The following CSGALNACT1 variants were observed in gnomAD, a reference collection of about 807,000 sequenced individuals.
CSGALNACT1 encodes the protein chondroitin sulfate N-acetylgalactosaminyltransferase 1, also known as beta4GalNAcT-1.
A neutral mutation model predicts 51.0 loss-of-function variants in CSGALNACT1; 52 were observed. The ratio of observed to expected loss-of-function variants is 1.02; its 90% CI spans 0.82 to 1.29. CSGALNACT1 has a LOEUF of 1.29. CSGALNACT1 is among the 50% of genes most tolerant of loss of function. CSGALNACT1 has a pLI of 0.00. For missense variants in CSGALNACT1, 935 were observed against 679.2 expected, an observed-to-expected ratio of 1.38 and a Z score of -4.19; for synonymous variants, 341 against 254.4, an observed-to-expected ratio of 1.34 and a Z score of -3.24.
At chr8:19,524,406 T>G (rs17480050) in intron 3 of CSGALNACT1, among the ~76,000 whole-genome samples, 22,098 of 152,176 alleles carry the variant, frequency 0.15, 1,773 homozygotes, top group Non-Finnish European at 0.18. Flanking sequence ...AACTCAAAAC[T>G]CACCATTTAA....
At chr8:19,591,539 T>C (rs533939512) in intron 2 of CSGALNACT1, among the ~76,000 whole-genome samples, 8 of 152,324 alleles carry the variant, frequency 5.3e-5, no homozygotes, top group African/African-American at 1.2e-4. Flanking sequence ...GGTAGGAACT[T>C]TGGCTACAAG....
chr8:19,714,084 AAAG>A (rs1182653107), intron 1 of CSGALNACT1, among the ~76,000 whole-genome samples: 4 of 152,172 alleles, frequency 2.6e-5, no homozygotes, highest in Non-Finnish European at 4.4e-5. Flanking sequence ...TTGTCTTTTA[AAAG>A]AAGGAGCTGT....
intron 1 of CSGALNACT1, among the ~76,000 whole-genome samples, chr8:19,725,272 A>AG (rs1425784462): frequency 6.6e-6 from 1 of 152,210 alleles, no homozygotes; most frequent in East Asian, 1.9e-4. Flanking sequence ...GAGTTTTGGA[A>AG]GGCATAGCTA....
rs1249276075 is a variant in CSGALNACT1, at chr8:19,644,684, T to G, written c.-544+37789A>C. ...GAGATGGTGCTACTGCACTCCAGCC[T>G]GGGTAACAGAGCGAGACTCCGTCTC... On this transcript the variant is annotated intron_variant, in intron 1 of 9. Coordinates refer to the CSGALNACT1 transcript ENST00000332246. 3.4e-5 allele frequency among the ~76,000 whole-genome samples: 4 copies of G among 115,998 alleles called. No individual in the cohort carries two copies. The South Asian group carries it at 1.1e-3, about 31-fold the overall frequency. The allele number at this position is 115,998 out of a possible 152,430, so 76.1% of individuals were successfully genotyped here. A position where few individuals can be genotyped will look rare whatever the true frequency, so the allele number is the denominator to read the frequency against.
At position 19,568,706 on chromosome 8, in the gene CSGALNACT1, T is replaced by A. The variant is rs1015982325; in HGVS notation, c.-297+22454A>T. On this transcript the variant is annotated intron_variant, in intron 3 of 9. Transcript: ENST00000454498. ...TTCTATTCAGTCAATACATCCAGAATGAAATGGTCCAAACCAACAGATATA... is the reference window on the plus strand; with the variant it reads ...TTCTATTCAGTCAATACATCCAGAAAGAAATGGTCCAAACCAACAGATATA... 1.2e-4 allele frequency among the ~76,000 whole-genome samples: 18 copies of A among 152,212 alleles called. 1 individual carries two copies. The highest frequency in any genetic ancestry group is 2.5e-4 in the Non-Finnish European group (17 of 68,032).
At chr8:19,439,072 G>A (rs2060869102) in intron 6 of CSGALNACT1, among the ~76,000 whole-genome samples, 1 of 152,130 alleles carries the variant, frequency 6.6e-6, no homozygotes. Flanking sequence ...TTGCCCCCCT[G>A]CAAACCTCCA....
intron 3 of CSGALNACT1, among the ~76,000 whole-genome samples, chr8:19,510,019 C>G (rs1303052104): frequency 6.6e-6 from 1 of 152,116 alleles, no homozygotes; most frequent in East Asian, 1.9e-4. Context: ...TTTAGGACCC[C>G]TGGAAGAAGG....
At chr8:19,663,020 T>C (rs59689479) in intron 1 of CSGALNACT1, among the ~76,000 whole-genome samples, 1 of 152,128 alleles carries the variant, frequency 6.6e-6, no homozygotes, top group Non-Finnish European at 1.5e-5. Flanking sequence ...GTGCTACAAA[T>C]GCCTGGAAGG....
rs112612815 is a variant in CSGALNACT1 at position 19,687,605 on chromosome 8, T to C, written c.-297+70245A>G. 1.5e-4 allele frequency among the ~76,000 whole-genome samples: 23 copies of C among 152,344 alleles called. 2 individuals carry two copies. The highest frequency in any genetic ancestry group is 5.5e-4 in the African/African-American group (23 of 41,580). On this transcript the variant is annotated intron_variant, in intron 1 of 1. Coordinates refer to the CSGALNACT1 transcript ENST00000517494. ...ATGCCTTGGTCCATTACCACACTAATATAATTCCTGAAATATCAACCATTT... is the reference window on the plus strand; with the variant it reads ...ATGCCTTGGTCCATTACCACACTAACATAATTCCTGAAATATCAACCATTT...
intron 4 of CSGALNACT1, among the ~76,000 whole-genome samples, chr8:19,502,015 G>T (rs1268614582): frequency 6.6e-6 from 1 of 152,228 alleles, no homozygotes. Context: ...GTGTTTTGAG[G>T]ATAGATAATA....
At chr8:19,617,559 A>T (rs1026356174) in intron 1 of CSGALNACT1, among the ~76,000 whole-genome samples, 5 of 152,196 alleles carry the variant, frequency 3.3e-5, no homozygotes, top group African/African-American at 9.7e-5. Flanking sequence ...CAGTTCAATT[A>T]CCCATTTTGT....
chr8:19,441,790 G>A (rs1462775032), intron 5 of CSGALNACT1, among the ~76,000 whole-genome samples: 9 of 151,800 alleles, frequency 5.9e-5, no homozygotes, highest in African/African-American at 1.4e-4. Context: ...GCAACCTACA[G>A]AATGGGAGAA....
chr8:19,484,599 T>C (rs988076476), intron 4 of CSGALNACT1, among the ~76,000 whole-genome samples: 2 of 152,148 alleles, frequency 1.3e-5, no homozygotes, highest in Non-Finnish European at 2.9e-5. Flanking sequence ...TCAAGTTGCC[T>C]GGTTGCAGGA....
chr8:19,474,793 G>A (rs1335010653), intron 4 of CSGALNACT1, among the ~76,000 whole-genome samples: 1 of 151,156 alleles, frequency 6.6e-6, no homozygotes, highest in Non-Finnish European at 1.5e-5. Flanking sequence ...CTTGAACCTG[G>A]GAGGCGGAGG....
At chr8:19,528,861 C>A (rs1280294765) in intron 3 of CSGALNACT1, among the ~76,000 whole-genome samples, 2 of 152,144 alleles carry the variant, frequency 1.3e-5, no homozygotes, top group Admixed American at 6.6e-5. Context: ...CCCCTAGATA[C>A]CCCAAACGCT....
Position 19,505,559 on chromosome 8 carries a change from CT to C in CSGALNACT1, c.275del (p.Gln92ArgfsTer42). 1 of 1,613,932 alleles carries C rather than the reference CT, an allele frequency of 6.2e-7. No individual in the cohort carries two copies. The highest frequency in any genetic ancestry group is 1.1e-5 in the South Asian group (1 of 91,084). ...TGGCTTGGTACTGCCCATTCCTGAG[CT>C]GCTCACTCCTCTCCTGCAGCTCCTC... On this transcript the variant is annotated frameshift_variant, in exon 4 of 10. Transcript: ENST00000454498. LOFTEE classifies it high-confidence loss of function.
chr8:19,442,192 C>T (rs926135265), intron 5 of CSGALNACT1, among the ~76,000 whole-genome samples: 27 of 152,212 alleles, frequency 1.8e-4, no homozygotes, highest in South Asian at 4.1e-4. Context: ...CTAGAAATAC[C>T]GTTTGACCCA....
intron 1 of CSGALNACT1, among the ~76,000 whole-genome samples, chr8:19,632,377 G>A (rs140472823): frequency 2.6e-5 from 4 of 152,206 alleles, no homozygotes; most frequent in Non-Finnish European, 5.9e-5. Context: ...TGCCGTTTAC[G>A]GCACCTCTTC....
At chr8:19,408,356 G>A (rs1183579400) in intron 9 of CSGALNACT1, among the ~76,000 whole-genome samples, 5 of 151,384 alleles carry the variant, frequency 3.3e-5, no homozygotes, top group South Asian at 2.1e-4. Context: ...TAGGAGAATC[G>A]CTATGTTGTC....
Sources: allele counts gnomAD v4.1 joint callset (sites outside exome capture counted in the v4.1 genomes callset), GRCh38; gene constraint gnomAD v4.1.1; transcripts MANE v1.5; gene names NCBI Gene and HGNC (gene_info 2026-07-23, HGNC 2026-07-21).